KANK1: variants seen among roughly 807,000 people sequenced by gnomAD.
The protein encoded by KANK1 is KN motif and ankyrin repeat domains 1, also known as KN motif and ankyrin repeat domain-containing protein 1.
A neutral mutation model predicts 106.2 loss-of-function variants in KANK1; 109 were observed. The observed-to-expected ratio is 1.03, with a 90% CI of 0.88 to 1.20. KANK1 has a LOEUF of 1.20. Among genes scored for constraint, KANK1 ranks in the 50% most tolerant of loss-of-function variants. The pLI, the probability that KANK1 is intolerant of heterozygous loss-of-function variation, is 0.00. For missense variants in KANK1, 2,399 were observed against 1,710.7 expected (o/e 1.40, Z -7.10); for synonymous variants, 873 against 652.2 (o/e 1.34, Z -5.16).
chr9:629,334 C>G (rs530719926), intron 1 of KANK1, among the ~76,000 whole-genome samples: 1 of 152,042 alleles, frequency 6.6e-6, no homozygotes, highest in East Asian at 1.9e-4. Context: ...GAGTGGGTCA[C>G]GAGTCACTCT....
In KANK1 at chr9:603,648, G is replaced by C. The variant is rs531705356; in HGVS notation, c.-83-73242G>C. ...CTATCATTAATTAATATACTCGTTT[G>C]AATTTTTCTCTTCTAAAAAATGTAG... On this transcript the variant is annotated intron_variant, in intron 1 of 11. Coordinates refer to ENST00000382297, the MANE Select transcript of KANK1 (RefSeq NM_015158.5). 2.0e-5 allele frequency among the ~76,000 whole-genome samples: 3 copies of C among 151,658 alleles called. No individual in the cohort carries two copies. In the South Asian group the frequency reaches 6.2e-4, roughly 32 times the overall value.
At chr9:502,078 T>A (rs1171435142), upstream of KANK1, among the ~76,000 whole-genome samples, 1 of 152,190 alleles carries the variant, frequency 6.6e-6, no homozygotes, top group African/African-American at 2.4e-5. Context: ...ACTATTATGT[T>A]AAGTGAAAGA....
Position 687,876 on chromosome 9 carries a change from G to C in KANK1, c.37+10867G>C, listed in dbSNP as rs141390924. ...TGTGCGTCACTAATCTTATAAACTT[G>C]AGTGTTTTAAGAGGCAAGAATCATG... is the stretch of plus-strand genomic sequence containing the variant. On this transcript the variant is annotated intron_variant, in intron 2 of 11. Transcript: ENST00000382297. Among the ~76,000 whole-genome samples, 92 of 152,250 alleles carry C rather than the reference G, an allele frequency of 6.0e-4. 2 individuals carry two copies. The highest frequency in any genetic ancestry group is 2.1e-3 in the African/African-American group (89 of 41,524).
chr9:719,613 T>C (rs1264146493), intron 3 of KANK1, among the ~76,000 whole-genome samples: 2 of 152,246 alleles, frequency 1.3e-5, no homozygotes, highest in African/African-American at 4.8e-5. Context: ...TTTTTTAAAT[T>C]GATTTTCTAA....
At chr9:573,346 T>A (rs1306551828) in intron 1 of KANK1, among the ~76,000 whole-genome samples, 1 of 152,162 alleles carries the variant, frequency 6.6e-6, no homozygotes, top group Admixed American at 6.5e-5. Flanking sequence ...CTTGGCTCAC[T>A]GCAAGCTCCA....
At chr9:602,545 G>C (rs938215041) in intron 1 of KANK1, among the ~76,000 whole-genome samples, 1 of 151,438 alleles carries the variant, frequency 6.6e-6, no homozygotes, top group East Asian at 1.9e-4. Flanking sequence ...GGTGTGAGCT[G>C]TTGCACCCGG....
At chr9:677,149 T>C in intron 2 of KANK1, 140 bp downstream of exon 2, 2 of 751,636 alleles carry the variant, frequency 2.7e-6, no homozygotes, top group Middle Eastern at 2.8e-4. Flanking sequence ...CCATTGAAGT[T>C]TGGGTTTGTT....
At chr9:598,685 C>T (rs1472251775) in intron 1 of KANK1, among the ~76,000 whole-genome samples, 5 of 114,292 alleles carry the variant, frequency 4.4e-5, no homozygotes, top group Non-Finnish European at 6.5e-5. Flanking sequence ...GGCTGGAGTG[C>T]GGTGGCACGA....
intron 1 of KANK1, among the ~76,000 whole-genome samples, chr9:526,619 A>G (rs1346279295): frequency 1.3e-5 from 2 of 151,830 alleles, no homozygotes; most frequent in Non-Finnish European, 2.9e-5. Flanking sequence ...GTCTTCTCAT[A>G]CTTCAAAAAG....
At chr9:701,301 T>C (rs978184982) in intron 2 of KANK1, among the ~76,000 whole-genome samples, 2 of 152,072 alleles carry the variant, frequency 1.3e-5, no homozygotes, top group Non-Finnish European at 2.9e-5. Flanking sequence ...TTAGTAGAGG[T>C]GGGGTTTCTC....
intron 3 of KANK1, among the ~76,000 whole-genome samples, chr9:494,837 A>C (rs1276880092): frequency 6.6e-6 from 1 of 151,998 alleles, no homozygotes; most frequent in Non-Finnish European, 1.5e-5. Flanking sequence ...GCACAATAAA[A>C]ATAGTGCAAA....
At chr9:559,976 C>G (rs1191425560) in intron 1 of KANK1, among the ~76,000 whole-genome samples, 2 of 152,198 alleles carry the variant, frequency 1.3e-5, no homozygotes, top group Non-Finnish European at 2.9e-5. Flanking sequence ...TGTCATCCTT[C>G]TTCGTCTTAG....
intron 8 of KANK1, among the ~76,000 whole-genome samples, 179 bp from the exon 9 acceptor site, chr9:740,613 A>AAGTTTT (rs1835171879): frequency 6.6e-6 from 1 of 152,076 alleles, no homozygotes; most frequent in Non-Finnish European, 1.5e-5. Flanking sequence ...GGGGGAAAAA[A>AAGTTTT]AGTTTTTGGT....
chr9:662,890 G>A (rs10975632), intron 1 of KANK1, among the ~76,000 whole-genome samples: 37,001 of 152,088 alleles, frequency 0.24, 5,752 homozygotes, highest in South Asian at 0.44. Context: ...TCAAACTCCT[G>A]ACCTCAGGTG....
chr9:640,196 G>A (rs1476932184), intron 1 of KANK1, among the ~76,000 whole-genome samples: 3 of 152,136 alleles, frequency 2.0e-5, no homozygotes, highest in East Asian at 3.9e-4. Context: ...GGCAGGGGTA[G>A]TCCATCTGAA....
At chr9:566,405 A>G (rs921500092) in intron 1 of KANK1, among the ~76,000 whole-genome samples, 4 of 152,184 alleles carry the variant, frequency 2.6e-5, no homozygotes, top group African/African-American at 9.7e-5. Flanking sequence ...AATGGGAGTT[A>G]TATTTTTAGA....
chr9:625,127 G>A (rs10122143), intron 1 of KANK1, among the ~76,000 whole-genome samples: 112,094 of 152,084 alleles, frequency 0.74, 41,512 homozygotes, highest in African/African-American at 0.81. Context: ...CCCACAGCCC[G>A]CAGATCTCTT....
At chr9:692,441 T>C (rs1031209186) in intron 2 of KANK1, among the ~76,000 whole-genome samples, 26 of 151,402 alleles carry the variant, frequency 1.7e-4, no homozygotes, top group African/African-American at 6.1e-4. Flanking sequence ...CAGATCCAAA[T>C]AATTTCATAT....
chr9:550,231 T>G (rs1037673991), intron 1 of KANK1, among the ~76,000 whole-genome samples: 2 of 152,166 alleles, frequency 1.3e-5, no homozygotes, highest in African/African-American at 4.8e-5. Flanking sequence ...ATACTGTAAT[T>G]TTAAGTATTG....
Sources: allele counts gnomAD v4.1 joint callset (sites outside exome capture counted in the v4.1 genomes callset), GRCh38; gene constraint gnomAD v4.1.1; transcripts MANE v1.5; gene names NCBI Gene and HGNC (gene_info 2026-07-23, HGNC 2026-07-21).